The following RAP1B variants were observed in gnomAD, a reference collection of about 807,000 sequenced individuals.
RAP1B encodes the protein RAP1B, member of RAS oncogene family, also known as ras-related protein Rap-1b.
Under a neutral mutation model 27.5 loss-of-function variants are expected in RAP1B, and 1 was observed. The observed-to-expected ratio is 0.04, with a 90% CI of 0.01 to 0.17. RAP1B has a LOEUF of 0.17. RAP1B is among the 10% of genes least tolerant of loss of function. The probability of loss-of-function intolerance (pLI) is 1.00; values close to 1 mark genes in which losing one functional copy is unlikely to be tolerated. For synonymous variants in RAP1B, 75 were observed against 73.1 expected, an observed-to-expected ratio of 1.03 and a Z score of -0.13; for missense variants, 84 against 214.8, an observed-to-expected ratio of 0.39 and a Z score of 3.81.
chr12:68,647,326 AGATCGAGACCATCC>A (rs1468533716), intron 1 of RAP1B, among the ~76,000 whole-genome samples: 1 of 139,984 alleles, frequency 7.1e-6, no homozygotes, highest in Admixed American at 7.1e-5. Flanking sequence ...TGAGGTCAAG[AGATCGAGACCATCC>A]TGGCCAACAT....
At position 68,662,043 on chromosome 12, in the gene RAP1B, T is replaced by C. The variant is rs942203681; in HGVS notation, c.*2794T>C. ...ATATATATATATATATTATATATAG[T>C]ACATATATAGAGAGAGTATATATAT... is the stretch of plus-strand genomic sequence containing the variant. On this transcript the variant is annotated 3_prime_UTR_variant, in exon 8 of 8. Transcript: ENST00000250559. The C allele has an allele frequency of 1.0e-4, 15 of 144,070 alleles. No individual in the cohort carries two copies. Among genetic ancestry groups the C allele is most frequent in the Non-Finnish European group, 2.1e-4 (14 of 65,664 alleles). 8.9% of individuals were successfully genotyped at this position (144,070 alleles called of 1,614,324 possible).
chr12:68,652,074 G>A, intron 4 of RAP1B, 23 bp downstream of exon 4: 3 of 1,559,912 alleles, frequency 1.9e-6, no homozygotes, highest in Non-Finnish European at 2.7e-6. Context: ...AAATACCAAA[G>A]TATATACACC....
intron 1 of RAP1B, among the ~76,000 whole-genome samples, chr12:68,628,415 T>G (rs1198827099): frequency 1.3e-5 from 2 of 152,252 alleles, no homozygotes; most frequent in South Asian, 2.1e-4. Flanking sequence ...AACTTCATTC[T>G]CTAGTTTTCC....
At chr12:68,653,755 C>A (rs565519973) in intron 4 of RAP1B, among the ~76,000 whole-genome samples, 17 of 151,920 alleles carry the variant, frequency 1.1e-4, no homozygotes, top group African/African-American at 4.1e-4. Context: ...GGTGAAAGCC[C>A]GTCTCTACCG....
At chr12:68,643,875 AAAAAT>A (rs1873203963) in intron 1 of RAP1B, among the ~76,000 whole-genome samples, 1 of 152,132 alleles carries the variant, frequency 6.6e-6, no homozygotes, top group Non-Finnish European at 1.5e-5. Context: ...TGTCAGGAAA[AAAAAT>A]AAGCAAAAGG....
In RAP1B at chr12:68,659,954, C is replaced by T. The variant is rs1874508951; in HGVS notation, c.*705C>T. The T allele has an allele frequency of 6.8e-6, 1 of 146,414 alleles. No individual in the cohort carries two copies. Among genetic ancestry groups the T allele is most frequent in the Non-Finnish European group, 1.5e-5 (1 of 66,804 alleles). 9.1% of individuals were successfully genotyped at this position (146,414 alleles called of 1,614,324 possible). A position where few individuals can be genotyped will look rare whatever the true frequency, so the allele number is the denominator to read the frequency against. ...ATTATATGTTTCCTTTTTTTGTTTA[C>T]ATAGGGAACAATGTTTATAGTCGTG... On this transcript the variant is annotated 3_prime_UTR_variant, in exon 8 of 8. Coordinates refer to ENST00000250559, the MANE Select transcript of RAP1B (RefSeq NM_001010942.3).
intron 1 of RAP1B, among the ~76,000 whole-genome samples, chr12:68,623,680 A>G (rs1871539908): frequency 6.6e-6 from 1 of 152,258 alleles, no homozygotes; most frequent in African/African-American, 2.4e-5. Flanking sequence ...CAACATAGTT[A>G]TAGAACTTTG....
chr12:68,644,025 C>T (rs1873217672), intron 1 of RAP1B, among the ~76,000 whole-genome samples: 1 of 151,814 alleles, frequency 6.6e-6, no homozygotes, highest in African/African-American at 2.4e-5. Flanking sequence ...AATGAGATTC[C>T]TCCTAGGCTG....
At chr12:68,644,951 G>A (rs1455570227) in intron 1 of RAP1B, among the ~76,000 whole-genome samples, 1 of 151,874 alleles carries the variant, frequency 6.6e-6, no homozygotes, top group Non-Finnish European at 1.5e-5. Context: ...CAACCGCCTC[G>A]GCCTCCCAAA....
chr12:68,662,846 T>A lies in RAP1B; in HGVS notation c.*3597T>A, dbSNP rs1874675655. The A allele has an allele frequency of 6.6e-6, 1 of 152,032 alleles. No individual in the cohort carries two copies. Among genetic ancestry groups the A allele is most frequent in the African/African-American group, 2.4e-5 (1 of 41,390 alleles). 9.4% of individuals were successfully genotyped at this position (152,032 alleles called of 1,614,324 possible). On this transcript the variant is annotated 3_prime_UTR_variant, in exon 8 of 8. Transcript: ENST00000250559. ...ATCTCTACAAAAAAAAATTTTTTTT[T>A]AATTAGCTGGGCATGGTGGTGCACG...
chr12:68,631,244 T>G (rs547101841), intron 1 of RAP1B, among the ~76,000 whole-genome samples: 1 of 152,134 alleles, frequency 6.6e-6, no homozygotes, highest in Non-Finnish European at 1.5e-5. Flanking sequence ...AAATTACCAG[T>G]TTCTTAACTA....
chr12:68,637,226 TAATA>T (rs1229800567), intron 1 of RAP1B, among the ~76,000 whole-genome samples: 1 of 152,156 alleles, frequency 6.6e-6, no homozygotes, highest in Non-Finnish European at 1.5e-5. Context: ...TGTAAATCTT[TAATA>T]AACAGTGTAC....
At chr12:68,652,660 TA>T (rs1288118254) in intron 4 of RAP1B, among the ~76,000 whole-genome samples, 1 of 150,218 alleles carries the variant, frequency 6.7e-6, no homozygotes, top group African/African-American at 2.5e-5. Context: ...ACTAAAAATA[TA>T]AAAAAAATTA....
At chr12:68,615,569 AC>A (rs1288477846) in intron 1 of RAP1B, among the ~76,000 whole-genome samples, 8 of 151,726 alleles carry the variant, frequency 5.3e-5, no homozygotes, top group African/African-American at 1.9e-4. Flanking sequence ...AACCTGGGCG[AC>A]AGAGTGAGAC....
Position 68,626,931 on chromosome 12 carries a change from C to T in RAP1B, c.-27+15888C>T, listed in dbSNP as rs538641547. 32 of 1,551,106 alleles carry T rather than the reference C, an allele frequency of 2.1e-5. No homozygotes were observed. The South Asian group carries it at 3.4e-4, about 17-fold the overall frequency. Reference sequence around the variant, plus strand: ...ACGATTGGAAATGTACTTGACCCGACAGCCATCTGGGATGAGCCGCTTCTC... The same window carrying T: ...ACGATTGGAAATGTACTTGACCCGATAGCCATCTGGGATGAGCCGCTTCTC... On this transcript the variant is annotated intron_variant, in intron 1 of 7. Transcript: ENST00000250559.
At chr12:68,648,803 T>G (rs1873608163) in intron 2 of RAP1B, 22 bp downstream of exon 2, 1 of 1,594,722 alleles carries the variant, frequency 6.3e-7, no homozygotes, top group East Asian at 2.2e-5. Flanking sequence ...TTACTTTACC[T>G]AAGCCTTTCA....
intron 1 of RAP1B, among the ~76,000 whole-genome samples, chr12:68,636,044 A>T (rs75394220): frequency 2.1e-5 from 3 of 141,692 alleles, no homozygotes; most frequent in Admixed American, 7.1e-5. Context: ...ACATTCGAGT[A>T]TTTTTTTTTT....
At chr12:68,617,204 A>G (rs1400747929) in intron 1 of RAP1B, among the ~76,000 whole-genome samples, 8 of 152,208 alleles carry the variant, frequency 5.3e-5, no homozygotes, top group African/African-American at 1.9e-4. Flanking sequence ...CTATATATAT[A>G]ATCTATTTTT....
intron 4 of RAP1B, among the ~76,000 whole-genome samples, chr12:68,653,655 G>A (rs556933276): frequency 3.8e-4 from 58 of 152,132 alleles, no homozygotes; most frequent in African/African-American, 7.5e-4. Flanking sequence ...CCAGCTGGGC[G>A]TGGTAGTTCA....
Sources: allele counts gnomAD v4.1 joint callset (sites outside exome capture counted in the v4.1 genomes callset), GRCh38; gene constraint gnomAD v4.1.1; transcripts MANE v1.5; gene names NCBI Gene and HGNC (gene_info 2026-07-23, HGNC 2026-07-21).